The following RTCA variants were observed in gnomAD, a reference collection of about 807,000 sequenced individuals.
RTCA encodes the protein RNA 3'-terminal phosphate cyclase.
A neutral mutation model predicts 46.1 loss-of-function variants in RTCA; 37 were observed. That is an observed-to-expected ratio of 0.80 (90% CI 0.62 to 1.06). The LOEUF is 1.06. Among genes scored for constraint, RTCA ranks in the 50% least tolerant of loss-of-function variants. The pLI, the probability that RTCA is intolerant of heterozygous loss-of-function variation, is 0.00. For synonymous variants in RTCA, 164 were observed against 158.3 expected, an observed-to-expected ratio of 1.04 and a Z score of -0.27; for missense variants, 435 against 455.5, an observed-to-expected ratio of 0.95 and a Z score of 0.41.
chr1:100,266,238 C>T lies in RTCA; in HGVS notation c.-138C>T. Reference sequence around the variant, plus strand: ...TCCAGTGTCCCGAGAGGCGCCGCTTCTTCCGCTTTCTCGTCAGGCTCCTGC... The same window carrying T: ...TCCAGTGTCCCGAGAGGCGCCGCTTTTTCCGCTTTCTCGTCAGGCTCCTGC... On this transcript the variant is annotated 5_prime_UTR_variant, in exon 1 of 11. Transcript: ENST00000370128. 9.6e-7 allele frequency: 1 copy of T among 1,046,344 alleles called. No homozygotes were observed. The highest frequency in any genetic ancestry group is 1.4e-6 in the Non-Finnish European group (1 of 725,284). 64.8% of individuals were successfully genotyped at this position (1,046,344 alleles called of 1,614,324 possible). A position where few individuals can be genotyped will look rare whatever the true frequency, so the allele number is the denominator to read the frequency against.
At position 100,281,571 on chromosome 1, in the gene RTCA, T is replaced by G. The variant is rs559727053; in HGVS notation, c.800-3657T>G. Among the ~76,000 whole-genome samples the G allele has an allele frequency of 7.2e-5, 11 of 152,336 alleles. 1 individual carries two copies. In the East Asian group the frequency reaches 2.1e-3, roughly 29 times the overall value. ...TTACAGTTAGTTATATTCTTTACTATGGGAGCAAAATAATCTGCTGAAATG... is the reference window on the plus strand; with the variant it reads ...TTACAGTTAGTTATATTCTTTACTAGGGGAGCAAAATAATCTGCTGAAATG... On this transcript the variant is annotated intron_variant, in intron 8 of 10. Transcript: ENST00000370128.
chr1:100,274,456 C>T (rs1357235636), intron 5 of RTCA, among the ~76,000 whole-genome samples: 2 of 152,214 alleles, frequency 1.3e-5, no homozygotes, highest in Non-Finnish European at 2.9e-5. Flanking sequence ...TTATATTCTA[C>T]AATAGCCCTG....
In RTCA at chr1:100,274,887, C is replaced by G. The variant is rs770763023; in HGVS notation, c.537C>G (p.Asn179Lys). Residue 179 changes from asparagine to lysine, a missense_variant, in exon 6 of 11, where the codon AAC (asparagine) becomes AAG (lysine). Physicochemically the swap from Asn to Lys is moderately conservative, Grantham distance 94 (BLOSUM62 0). Transcript: ENST00000370128. ...GAATGTCACCAGTTAAACAATTGAA[C>G]CCTATAAATTTAACTGAGCGTGGCT... ...IVRMSPVKQL[N>K]PINLTERGCV... The G allele has an allele frequency of 6.2e-7, 1 of 1,613,428 alleles. No homozygotes were observed. The highest frequency in any genetic ancestry group is 8.5e-7 in the Non-Finnish European group (1 of 1,179,560).
At chr1:100,286,407 A>G (rs912752254) in intron 9 of RTCA, among the ~76,000 whole-genome samples, 1 of 148,928 alleles carries the variant, frequency 6.7e-6, no homozygotes, top group East Asian at 2.0e-4. Context: ...GTGAGCCGAG[A>G]ATGCGCCACT....
At position 100,266,271 on chromosome 1, in the gene RTCA, G is replaced by C; in HGVS notation, c.-105G>C. 1 of 1,419,656 alleles carries C rather than the reference G, an allele frequency of 7.0e-7. No homozygotes were observed. Among genetic ancestry groups the C allele is most frequent in the Non-Finnish European group, 9.7e-7 (1 of 1,034,352 alleles). The allele number at this position is 1,419,656 out of a possible 1,614,324, so 87.9% of individuals were successfully genotyped here. A position where few individuals can be genotyped will look rare whatever the true frequency, so the allele number is the denominator to read the frequency against. On this transcript the variant is annotated 5_prime_UTR_variant, in exon 1 of 11. Transcript: ENST00000370128. ...TTCTCGTCAGGCTCCTGCGCCCCAG[G>C]CATGAACCAAGGTTTCTGAACTACT... is the stretch of plus-strand genomic sequence containing the variant.
At chr1:100,267,422 A>G (rs1665845950) in intron 2 of RTCA, 18 of 1,356,072 alleles carry the variant, frequency 1.3e-5, no homozygotes, top group Non-Finnish European at 1.7e-5. Context: ...TAGGTGTTGT[A>G]TTAGTTTGCT....
rs1666698203 is a variant in RTCA at position 100,281,396 on chromosome 1, C to T, written c.800-3832C>T. 8.5e-6 allele frequency: 4 copies of T among 471,858 alleles called. No individual in the cohort carries two copies. The Admixed American group carries it at 1.0e-4, about 12-fold the overall frequency. The allele number at this position is 471,858 out of a possible 1,614,324, so 29.2% of individuals were successfully genotyped here. A position where few individuals can be genotyped will look rare whatever the true frequency, so the allele number is the denominator to read the frequency against. ...CCTGTCATTATCATGCATAGTGACT[C>T]TGGGCTTTCCTTATCTGAAAAATGA... On this transcript the variant is annotated intron_variant, in intron 8 of 10. Coordinates refer to ENST00000370128, the MANE Select transcript of RTCA (RefSeq NM_003729.4).
intron 3 of RTCA, 67 bp downstream of exon 3, chr1:100,268,362 C>A: frequency 3.9e-6 from 5 of 1,295,918 alleles, no homozygotes; most frequent in East Asian, 2.5e-5. Context: ...ACTTTCTGGG[C>A]AAGTTGCTTA....
intron 7 of RTCA, among the ~76,000 whole-genome samples, chr1:100,276,837 A>G (rs141105411): frequency 3.2e-4 from 48 of 152,360 alleles, no homozygotes; most frequent in Non-Finnish European, 6.8e-4. Context: ...AAAGGTTTAA[A>G]GTAAACGCTT....
chr1:100,278,032 T>A (rs1666496413), intron 8 of RTCA, among the ~76,000 whole-genome samples: 2 of 152,204 alleles, frequency 1.3e-5, no homozygotes, highest in East Asian at 3.8e-4. Context: ...TTGTGTACAT[T>A]CCACTGTATC....
intron 8 of RTCA, among the ~76,000 whole-genome samples, chr1:100,280,318 T>A (rs1390571594): frequency 6.6e-6 from 1 of 152,234 alleles, no homozygotes; most frequent in Non-Finnish European, 1.5e-5. Context: ...ACTTTATCAG[T>A]AATACATGGA....
At chr1:100,275,495 C>A in intron 6 of RTCA, 104 bp from the exon 7 acceptor site, 1 of 718,206 alleles carries the variant, frequency 1.4e-6, no homozygotes, top group Non-Finnish European at 2.2e-6. Context: ...TTAAATAATG[C>A]ATGTAAAAGC....
chr1:100,277,888 T>A (rs1666488194), intron 8 of RTCA, among the ~76,000 whole-genome samples: 1 of 152,196 alleles, frequency 6.6e-6, no homozygotes, highest in African/African-American at 2.4e-5. Flanking sequence ...TTTGTTGTTG[T>A]TCATTTCATG....
intron 4 of RTCA, 134 bp from the exon 5 acceptor site, chr1:100,273,260 C>T (rs368469669): frequency 1.9e-6 from 1 of 513,448 alleles, no homozygotes; most frequent in South Asian, 2.7e-5. Context: ...ATGGAACCAG[C>T]CTACATATTC....
At chr1:100,286,454 CAAAAAAAAAA>C (rs754851046) in intron 9 of RTCA, among the ~76,000 whole-genome samples, 7 of 45,360 alleles carry the variant, frequency 1.5e-4, no homozygotes, top group East Asian at 6.8e-4. Flanking sequence ...GACTCCGTCT[CAAAAAAAAAA>C]AAAAAAAAAA....
chr1:100,285,076 A>C (rs1326683158), intron 8 of RTCA, 152 bp from the exon 9 acceptor site: 1 of 587,488 alleles, frequency 1.7e-6, no homozygotes, highest in East Asian at 2.9e-5. Flanking sequence ...TAAATAACTA[A>C]AGATCTTATT....
chr1:100,271,564 C>CT (rs1401068741), intron 4 of RTCA, among the ~76,000 whole-genome samples: 5 of 151,650 alleles, frequency 3.3e-5, no homozygotes, highest in Admixed American at 6.6e-5. Flanking sequence ...GAAACTCAAA[C>CT]TTTTTTTTTC....
intron 7 of RTCA, 64 bp from the exon 8 acceptor site, chr1:100,277,194 G>C: frequency 6.9e-7 from 1 of 1,440,210 alleles, no homozygotes; most frequent in Non-Finnish European, 9.8e-7. Context: ...GTTCTCTTTT[G>C]TTGTATTTGC....
At chr1:100,266,970 C>G (rs12563113) in intron 2 of RTCA, 260,131 of 320,332 alleles carry the variant, frequency 0.81, 108,605 homozygotes, top group East Asian at 0.95. Context: ...ATGCTTGTGA[C>G]GCCAGAGGAA....
Sources: allele counts gnomAD v4.1 joint callset (sites outside exome capture counted in the v4.1 genomes callset), GRCh38; gene constraint gnomAD v4.1.1; transcripts MANE v1.5; gene names NCBI Gene and HGNC (gene_info 2026-07-23, HGNC 2026-07-21).